TNRC6B: variants seen among roughly 807,000 people sequenced by gnomAD.
TNRC6B encodes trinucleotide repeat-containing gene 6B protein.
TNRC6B carries 52 observed loss-of-function variants against 203.6 expected under a neutral mutation model. The observed-to-expected ratio is 0.26, with a 90% CI of 0.20 to 0.32. The LOEUF (loss-of-function observed/expected upper bound fraction) is 0.32. TNRC6B is among the 10% of genes least tolerant of loss of function. TNRC6B has a pLI of 1.00. For synonymous variants in TNRC6B, 838 were observed against 845.7 expected (o/e 0.99, Z 0.16); for missense variants, 1,923 against 2,286.2 (o/e 0.84, Z 3.24).
intron 3 of TNRC6B, among the ~76,000 whole-genome samples, chr22:40,129,459 GA>G (rs796214957): frequency 2.6e-5 from 4 of 152,294 alleles, no homozygotes; most frequent in African/African-American, 9.6e-5. Context: ...GGAAGTGGAG[GA>G]AAGACAGACT....
intron 1 of TNRC6B, among the ~76,000 whole-genome samples, chr22:40,245,101 T>C (rs1026928701): frequency 6.6e-6 from 1 of 151,938 alleles, no homozygotes; most frequent in Non-Finnish European, 1.5e-5. Context: ...ATTTATTTAT[T>C]TATTTTTGAG....
At chr22:40,196,317 T>C (rs2069336876) in intron 1 of TNRC6B, among the ~76,000 whole-genome samples, 1 of 150,610 alleles carries the variant, frequency 6.6e-6, no homozygotes, top group Non-Finnish European at 1.5e-5. Flanking sequence ...CCTGGCTAAT[T>C]TTTTTGTAGA....
At chr22:40,198,698 A>T (rs7288451) in intron 1 of TNRC6B, among the ~76,000 whole-genome samples, 3 of 152,014 alleles carry the variant, frequency 2.0e-5, no homozygotes, top group African/African-American at 7.3e-5. Context: ...GTGATGCTAG[A>T]TCGGAATCAG....
At chr22:40,045,996 CA>C (rs1175692786) in intron 1 of TNRC6B, among the ~76,000 whole-genome samples, 1 of 152,080 alleles carries the variant, frequency 6.6e-6, no homozygotes, top group African/African-American at 2.4e-5. Context: ...ATAATTTAAG[CA>C]AAATTATACA....
At chr22:40,175,714 C>T (rs2069049882), upstream of TNRC6B, among the ~76,000 whole-genome samples, 1 of 152,232 alleles carries the variant, frequency 6.6e-6, no homozygotes, top group Non-Finnish European at 1.5e-5. Context: ...CTAGTAGTTT[C>T]CTGCTTTTTC....
chr22:40,057,176 C>T (rs1405312097), intron 1 of TNRC6B, among the ~76,000 whole-genome samples: 1 of 151,962 alleles, frequency 6.6e-6, no homozygotes, highest in Non-Finnish European at 1.5e-5. Flanking sequence ...GTAACACTAT[C>T]TGTGGTTTAT....
rs147628454 is a variant in TNRC6B at position 40,241,096 on chromosome 22, G to A, written c.6-4919G>A. On this transcript the variant is annotated intron_variant, in intron 1 of 22. Transcript: ENST00000454349. Reference sequence around the variant, plus strand: ...GTAATTGACCTGGGGTACTGCCTGAGCAATAGTTTTGTGTTTGTTGTTTAT... The same window carrying A: ...GTAATTGACCTGGGGTACTGCCTGAACAATAGTTTTGTGTTTGTTGTTTAT... Among the ~76,000 whole-genome samples the A allele has an allele frequency of 1.5e-3, 226 of 152,308 alleles. 1 individual carries two copies. Among genetic ancestry groups the A allele is most frequent in the African/African-American group, 5.2e-3 (215 of 41,558 alleles).
At chr22:40,166,723 C>T (rs1285644671) in intron 4 of TNRC6B, among the ~76,000 whole-genome samples, 1 of 151,762 alleles carries the variant, frequency 6.6e-6, no homozygotes, top group Non-Finnish European at 1.5e-5. Context: ...GGTGAAACCC[C>T]GTCTCTACTG....
intron 1 of TNRC6B, 103 bp downstream of exon 1, chr22:40,178,243 G>T: frequency 7.4e-7 from 1 of 1,353,352 alleles, no homozygotes; most frequent in South Asian, 1.2e-5. Context: ...CTAGCATGGA[G>T]ACTGGCTTCA....
chr22:40,169,324 G>T (rs1394823163), intron 4 of TNRC6B, among the ~76,000 whole-genome samples: 2 of 151,762 alleles, frequency 1.3e-5, no homozygotes, highest in African/African-American at 2.4e-5. Flanking sequence ...TAGAGACGGG[G>T]TTTCACCATG....
At chr22:40,226,194 G>C (rs1347130856) in intron 1 of TNRC6B, among the ~76,000 whole-genome samples, 1 of 152,144 alleles carries the variant, frequency 6.6e-6, no homozygotes, top group Non-Finnish European at 1.5e-5. Flanking sequence ...GACAACTGCT[G>C]GCACACAAGA....
At chr22:40,262,501 C>A (rs1463844510) in intron 4 of TNRC6B, among the ~76,000 whole-genome samples, 2 of 150,250 alleles carry the variant, frequency 1.3e-5, no homozygotes, top group African/African-American at 4.8e-5. Flanking sequence ...CATAATTGGA[C>A]ATGGGGCTTG....
At chr22:40,174,772 C>A (rs974034910), upstream of TNRC6B, among the ~76,000 whole-genome samples, 1 of 151,000 alleles carries the variant, frequency 6.6e-6, no homozygotes, top group Non-Finnish European at 1.5e-5. Context: ...TTGCAGTAAG[C>A]CGAGATAGCA....
intron 1 of TNRC6B, among the ~76,000 whole-genome samples, chr22:40,200,637 T>G (rs2069400495): frequency 1.3e-5 from 2 of 152,110 alleles, no homozygotes; most frequent in African/African-American, 4.8e-5. Flanking sequence ...GTACATAAAA[T>G]TAAATGTTCC....
chr22:40,104,744 T>TA (rs1441677764), intron 1 of TNRC6B, among the ~76,000 whole-genome samples: 3 of 152,204 alleles, frequency 2.0e-5, no homozygotes, highest in Non-Finnish European at 4.4e-5. Context: ...AGCTCACACT[T>TA]ACCTGGTGCA....
chr22:40,204,922 T>A (rs1314191346), intron 1 of TNRC6B, among the ~76,000 whole-genome samples: 1 of 152,268 alleles, frequency 6.6e-6, no homozygotes, highest in Non-Finnish European at 1.5e-5. Flanking sequence ...ATTAATGACA[T>A]TAAACACTTT....
chr22:40,135,241 T>C (rs1242390179), intron 3 of TNRC6B, among the ~76,000 whole-genome samples: 1 of 152,160 alleles, frequency 6.6e-6, no homozygotes, highest in Non-Finnish European at 1.5e-5. Flanking sequence ...GTCTGTTGAA[T>C]TAAAGCAAGT....
At chr22:40,190,940 T>C (rs2069262663) in intron 1 of TNRC6B, among the ~76,000 whole-genome samples, 2 of 152,238 alleles carry the variant, frequency 1.3e-5, no homozygotes, top group Non-Finnish European at 2.9e-5. Context: ...TGTATAGTGC[T>C]GGAAACAAGA....
intron 8 of TNRC6B, 29 bp downstream of exon 8, chr22:40,277,180 C>A: frequency 6.5e-7 from 1 of 1,540,658 alleles, no homozygotes; most frequent in Non-Finnish European, 8.9e-7. Context: ...AAATGTATAA[C>A]GTATCCCAAC....
Sources: gnomAD v4.1 joint callset for allele counts (sites outside exome capture counted in the v4.1 genomes callset) on GRCh38, gnomAD v4.1.1 for gene constraint, MANE v1.5 for transcripts, NCBI Gene and HGNC (gene_info 2026-07-23, HGNC 2026-07-21) for gene names.